VCF1: variants seen among roughly 807,000 people sequenced by gnomAD.
The protein encoded by VCF1 is protein VCF1.
the VCF1 span, chr17:73,227,119 TA>T: frequency 7.5e-7 from 1 of 1,338,596 alleles, no homozygotes; most frequent in East Asian, 2.4e-5. Context: ...CTAGGTTATT[TA>T]ACTCAAGCAG....
chr17:73,220,602 G>A, the VCF1 span, among the ~76,000 whole-genome samples: 2 of 151,064 alleles, frequency 1.3e-5, no homozygotes, highest in Non-Finnish European at 2.9e-5. Flanking sequence ...GCACCACCAC[G>A]CCCAGCCAAT....
At chr17:73,213,407 T>C in the VCF1 span, among the ~76,000 whole-genome samples, 1 of 152,196 alleles carries the variant, frequency 6.6e-6, no homozygotes, top group African/African-American at 2.4e-5. Flanking sequence ...GACATACATA[T>C]ACTAACATCG....
At chr17:73,207,679 TGTTAATACAC>T in the VCF1 span, 1 of 1,294,446 alleles carries the variant, frequency 7.7e-7, no homozygotes, top group South Asian at 1.2e-5. Context: ...GACATTTTCT[TGTTAATACAC>T]GTTTCATTTC....
chr17:73,227,376 A>G, the VCF1 span: 3 of 846,688 alleles, frequency 3.5e-6, no homozygotes, highest in Non-Finnish European at 5.2e-6. Context: ...CTGAGAAAAC[A>G]TAATTCAGCA....
At chr17:73,232,370 C>G in the VCF1 span, 1 of 1,449,150 alleles carries the variant, frequency 6.9e-7, no homozygotes, top group Non-Finnish European at 9.1e-7. Context: ...ACCGCACCGA[C>G]TGGTAACCCC....
At chr17:73,232,193 AC>A in the VCF1 span, 23 of 1,606,906 alleles carry the variant, frequency 1.4e-5, no homozygotes, top group Non-Finnish European at 2.0e-5. Flanking sequence ...CGCCACGCCC[AC>A]CCCCTCGGGC....
the VCF1 span, among the ~76,000 whole-genome samples, chr17:73,231,186 ACTC>A: frequency 6.6e-6 from 1 of 152,184 alleles, no homozygotes; most frequent in Non-Finnish European, 1.5e-5. Context: ...GACCAAATAA[ACTC>A]AGAATACTTT....
chr17:73,219,313 T>G, the VCF1 span, among the ~76,000 whole-genome samples: 2 of 151,718 alleles, frequency 1.3e-5, no homozygotes, highest in African/African-American at 4.8e-5. Context: ...ATTCTATAAA[T>G]TAGACTAACA....
At chr17:73,232,149 A>C in the VCF1 span, 3 of 1,610,362 alleles carry the variant, frequency 1.9e-6, no homozygotes, top group Non-Finnish European at 2.5e-6. Flanking sequence ...CGCTCCGCGA[A>C]GAGAGGGAAC....
chr17:73,214,715 T>A, the VCF1 span, among the ~76,000 whole-genome samples: 3 of 152,228 alleles, frequency 2.0e-5, no homozygotes, highest in African/African-American at 4.8e-5. Flanking sequence ...AAGCCAATAC[T>A]TGATGATGCA....
At chr17:73,208,571 C>T in the VCF1 span, 4 of 1,239,526 alleles carry the variant, frequency 3.2e-6, no homozygotes, top group Non-Finnish European at 4.7e-6. Context: ...TGGAATGTGG[C>T]CCCCTAGTTA....
At chr17:73,221,896 T>C in the VCF1 span, among the ~76,000 whole-genome samples, 3 of 151,870 alleles carry the variant, frequency 2.0e-5, no homozygotes, top group Non-Finnish European at 4.4e-5. Context: ...TAGCTGGGCG[T>C]GGTGGCGGTC....
At chr17:73,232,067 G>T in the VCF1 span, 1 of 1,583,734 alleles carries the variant, frequency 6.3e-7, no homozygotes, top group African/African-American at 1.3e-5. Flanking sequence ...GAATGGAAAG[G>T]GGGTCCCTTC....
At chr17:73,217,256 G>C in the VCF1 span, among the ~76,000 whole-genome samples, 4 of 152,258 alleles carry the variant, frequency 2.6e-5, no homozygotes, top group African/African-American at 9.6e-5. Context: ...GGGAGGCTGA[G>C]GCAGGAGAAT....
chr17:73,231,491 G>A, the VCF1 span, among the ~76,000 whole-genome samples: 1 of 152,090 alleles, frequency 6.6e-6, no homozygotes, highest in Non-Finnish European at 1.5e-5. Flanking sequence ...GAGTCAAACG[G>A]CCCCGCAATC....
At chr17:73,209,176 C>T in the VCF1 span, 1,696 of 257,588 alleles carry the variant, frequency 6.6e-3, 8 homozygotes, top group South Asian at 0.012. Context: ...TTTTAAAAGG[C>T]CCTTTACATA....
At chr17:73,224,177 G>C in the VCF1 span, among the ~76,000 whole-genome samples, 1 of 133,106 alleles carries the variant, frequency 7.5e-6, no homozygotes, top group Admixed American at 9.4e-5. Flanking sequence ...TGTAATCCCA[G>C]CATTTTGGGG....
chr17:73,226,792 G>A, the VCF1 span, among the ~76,000 whole-genome samples: 1 of 152,150 alleles, frequency 6.6e-6, no homozygotes, highest in South Asian at 2.1e-4. Context: ...TCTCTTAAAA[G>A]GCATTTGAAT....
chr17:73,232,213 T>C, the VCF1 span: 6 of 1,611,072 alleles, frequency 3.7e-6, no homozygotes, highest in South Asian at 1.1e-5. Context: ...GCCTTGGCTC[T>C]CGCAGCCGCT....
Sources: allele counts gnomAD v4.1 joint callset (sites outside exome capture counted in the v4.1 genomes callset), GRCh38; gene constraint gnomAD v4.1.1; transcripts MANE v1.5; gene names NCBI Gene and HGNC (gene_info 2026-07-23, HGNC 2026-07-21).